Variants in SLC2A13 observed in about 807,000 individuals in gnomAD.
SLC2A13 encodes proton myo-inositol cotransporter.
Under a neutral mutation model 64.4 loss-of-function variants are expected in SLC2A13, and 32 were observed. The observed-to-expected ratio is 0.50, with a 90% CI of 0.37 to 0.67. The LOEUF is 0.67. Ranked by LOEUF, SLC2A13 falls within the 30% of genes least tolerant of loss-of-function variation. The pLI is 0.00. For synonymous variants in SLC2A13, 338 were observed against 327.1 expected (o/e 1.03, Z -0.36); for missense variants, 743 against 829.2 (o/e 0.90, Z 1.28).
At chr12:39,792,605 G>T (rs1416499404) in intron 7 of SLC2A13, among the ~76,000 whole-genome samples, 1 of 152,096 alleles carries the variant, frequency 6.6e-6, no homozygotes, top group African/African-American at 2.4e-5. Flanking sequence ...GTATCCATCA[G>T]GGAACTAGTT....
chr12:39,837,662 C>T (rs1943051275), intron 6 of SLC2A13, among the ~76,000 whole-genome samples: 1 of 151,422 alleles, frequency 6.6e-6, no homozygotes, highest in Admixed American at 6.6e-5. Context: ...CAAACAACCC[C>T]ATCAAAAAGT....
intron 4 of SLC2A13, among the ~76,000 whole-genome samples, chr12:39,899,395 C>T (rs190233253): frequency 5.3e-5 from 8 of 152,118 alleles, no homozygotes; most frequent in South Asian, 2.1e-4. Context: ...GTCTTGCTAG[C>T]GGTCTATCAA....
At chr12:39,848,611 A>G (rs900452228) in intron 6 of SLC2A13, among the ~76,000 whole-genome samples, 1 of 152,176 alleles carries the variant, frequency 6.6e-6, no homozygotes, top group Non-Finnish European at 1.5e-5. Context: ...GGAAAGCAGT[A>G]TGGCAATTCC....
chr12:40,067,648 C>T (rs1027157011), intron 1 of SLC2A13, among the ~76,000 whole-genome samples: 2 of 152,046 alleles, frequency 1.3e-5, no homozygotes, highest in Non-Finnish European at 2.9e-5. Context: ...TTTTTGTCTT[C>T]ATCATTCTAC....
At chr12:39,956,058 A>C (rs915722257) in intron 3 of SLC2A13, among the ~76,000 whole-genome samples, 1 of 152,224 alleles carries the variant, frequency 6.6e-6, no homozygotes, top group South Asian at 2.1e-4. Context: ...AATGAGGTGA[A>C]CTCAGGACAG....
At chr12:40,003,857 G>A (rs1947361337) in intron 3 of SLC2A13, among the ~76,000 whole-genome samples, 1 of 151,928 alleles carries the variant, frequency 6.6e-6, no homozygotes, top group African/African-American at 2.4e-5. Context: ...GCTGGGCGTG[G>A]TGACGGGCGC....
chr12:39,896,796 T>A (rs1944932235), intron 4 of SLC2A13, among the ~76,000 whole-genome samples: 1 of 152,136 alleles, frequency 6.6e-6, no homozygotes. Context: ...GTTGCATATA[T>A]TTAAGTGAGA....
chr12:40,100,408 C>T (rs532095527), intron 1 of SLC2A13, among the ~76,000 whole-genome samples: 1 of 152,258 alleles, frequency 6.6e-6, no homozygotes, highest in African/African-American at 2.4e-5. Flanking sequence ...GGAGAAAGGG[C>T]TAATGGGTAT....
chr12:39,869,795 C>T (rs1198790837), intron 5 of SLC2A13, among the ~76,000 whole-genome samples: 3 of 152,206 alleles, frequency 2.0e-5, no homozygotes, highest in Admixed American at 6.5e-5. Context: ...TGCTTTTGCA[C>T]TAAGTTTGTT....
intron 1 of SLC2A13, among the ~76,000 whole-genome samples, chr12:40,050,126 G>C (rs1437688374): frequency 2.0e-5 from 3 of 152,126 alleles, no homozygotes; most frequent in African/African-American, 7.2e-5. Flanking sequence ...TGCAAATGTT[G>C]ACACGGGATT....
At chr12:39,843,821 T>C (rs113322951) in intron 6 of SLC2A13, among the ~76,000 whole-genome samples, 119 of 152,172 alleles carry the variant, frequency 7.8e-4, no homozygotes, top group African/African-American at 2.7e-3. Flanking sequence ...TTAATATTAG[T>C]AATGCCTATC....
chr12:39,784,473 GA>G (rs1941113087), intron 7 of SLC2A13, among the ~76,000 whole-genome samples: 2 of 152,322 alleles, frequency 1.3e-5, no homozygotes, highest in East Asian at 1.9e-4. Flanking sequence ...AAGAAATGGG[GA>G]AAGGATTCCC....
At chr12:40,060,126 T>A (rs538654615) in intron 1 of SLC2A13, among the ~76,000 whole-genome samples, 1 of 152,176 alleles carries the variant, frequency 6.6e-6, no homozygotes, top group Non-Finnish European at 1.5e-5. Flanking sequence ...GATGGATGGA[T>A]GCATCGATGG....
chr12:40,061,281 C>A (rs1406956663), intron 1 of SLC2A13, among the ~76,000 whole-genome samples: 2 of 152,158 alleles, frequency 1.3e-5, no homozygotes, highest in Middle Eastern at 3.4e-3. Flanking sequence ...GAAGGGCAAT[C>A]AGTCTGGACT....
intron 7 of SLC2A13, among the ~76,000 whole-genome samples, chr12:39,799,171 C>T (rs888791810): frequency 2.6e-5 from 4 of 151,280 alleles, no homozygotes; most frequent in African/African-American, 9.7e-5. Flanking sequence ...CAACCTCCGC[C>T]TCCCAGGTTC....
chr12:39,953,516 G>A (rs1946268093), intron 3 of SLC2A13, among the ~76,000 whole-genome samples: 1 of 151,994 alleles, frequency 6.6e-6, no homozygotes. Flanking sequence ...CTATGAGGCA[G>A]AAGAAAAAAA....
chr12:40,074,680 C>G (rs17458341), intron 1 of SLC2A13, among the ~76,000 whole-genome samples: 8,611 of 152,210 alleles, frequency 0.057, 319 homozygotes, highest in South Asian at 0.11. Context: ...GATGTTTGCT[C>G]TGTCTCTTCC....
intron 7 of SLC2A13, among the ~76,000 whole-genome samples, chr12:39,771,551 A>G (rs1940577798): frequency 6.6e-6 from 1 of 152,154 alleles, no homozygotes; most frequent in Non-Finnish European, 1.5e-5. Context: ...AGAGGAAACC[A>G]TAGCTCCAGT....
chr12:39,759,786 A>AAAT lies in SLC2A13; in HGVS notation c.*239_*240insATT. 2 of 473,564 alleles carry AAAT rather than the reference A, an allele frequency of 4.2e-6. No individual in the cohort carries two copies. Among genetic ancestry groups the AAAT allele is most frequent in the Non-Finnish European group, 7.5e-6 (2 of 266,618 alleles). 29.3% of individuals were successfully genotyped at this position (473,564 alleles called of 1,614,324 possible). A position where few individuals can be genotyped will look rare whatever the true frequency, so the allele number is the denominator to read the frequency against. ...AGACTATTTCAGGAAGGCATTACAC[A>AAAT]CATTTGCTTAAGAATTATTAGATTA... On this transcript the variant is annotated 3_prime_UTR_variant, in exon 10 of 10. Coordinates refer to ENST00000280871, the MANE Select transcript of SLC2A13 (RefSeq NM_052885.4).
Sources: allele counts gnomAD v4.1 joint callset (sites outside exome capture counted in the v4.1 genomes callset), GRCh38; gene constraint gnomAD v4.1.1; transcripts MANE v1.5; gene names NCBI Gene and HGNC (gene_info 2026-07-23, HGNC 2026-07-21).